The following ZNF283 variants were observed in gnomAD, a reference collection of about 807,000 sequenced individuals.
The protein encoded by ZNF283 is zinc finger protein 283.
A neutral mutation model predicts 9.2 loss-of-function variants in ZNF283; 10 were observed. The observed-to-expected ratio is 1.09, with a 90% confidence interval of 0.67 to 1.85. The LOEUF (loss-of-function observed/expected upper bound fraction) is 1.85, where lower values mean the gene tolerates loss of function less well. Ranked by LOEUF, ZNF283 falls within the 40% of genes most tolerant of loss-of-function variation. The probability of loss-of-function intolerance (pLI) is 0.00; values close to 1 mark genes in which losing one functional copy is unlikely to be tolerated. For synonymous variants in ZNF283, 234 were observed against 244.1 expected, an observed-to-expected ratio of 0.96 and a Z score of 0.38; for missense variants, 631 against 760.1, an observed-to-expected ratio of 0.83 and a Z score of 2.00.
intron 3 of ZNF283, among the ~76,000 whole-genome samples, chr19:43,831,754 G>A (rs915279229): frequency 6.6e-6 from 1 of 152,112 alleles, no homozygotes; most frequent in African/African-American, 2.4e-5. Context: ...TCAGAGGGAA[G>A]GTAGCTGGGA....
chr19:43,837,485 A>G, intron 6 of ZNF283: 1 of 396,600 alleles, frequency 2.5e-6, no homozygotes, highest in Middle Eastern at 6.4e-4. Context: ...ACCAGATTTC[A>G]TAAATTCTGC....
At chr19:43,846,585 C>G (rs1484953275) in intron 6 of ZNF283, among the ~76,000 whole-genome samples, 1 of 152,078 alleles carries the variant, frequency 6.6e-6, no homozygotes, top group Admixed American at 6.6e-5. Flanking sequence ...TCAGCCAAAG[C>G]TCATTATGAT....
intron 6 of ZNF283, chr19:43,840,864 CT>C (rs575563947): frequency 1.3e-3 from 154 of 118,618 alleles, no homozygotes; most frequent in East Asian, 1.7e-3. Flanking sequence ...TTTTTTTCTC[CT>C]TTTTTTTTTT....
chr19:43,832,173 T>A (rs554809920), intron 3 of ZNF283, among the ~76,000 whole-genome samples: 108 of 152,320 alleles, frequency 7.1e-4, no homozygotes, highest in Admixed American at 2.5e-3. Flanking sequence ...TTACAACTTC[T>A]GGGATTATAG....
chr19:43,848,981 G>GTA lies in ZNF283; in HGVS notation c.*340_*341insTA. On this transcript the variant is annotated 3_prime_UTR_variant, in exon 7 of 7. Transcript: ENST00000618787. ...TATTTGTTAAAAAGAGTTTAAATAG[G>GTA]AGGAATGTGGGAAGGACCTAAACTT... 6.4e-6 allele frequency: 1 copy of GTA among 156,464 alleles called. No individual in the cohort carries two copies. The highest frequency in any genetic ancestry group is 1.4e-5 in the Non-Finnish European group (1 of 70,954). The allele number at this position is 156,464 out of a possible 1,614,324, so 9.7% of individuals were successfully genotyped here.
At chr19:43,837,498 A>G in intron 6 of ZNF283, 1 of 389,480 alleles carries the variant, frequency 2.6e-6, no homozygotes, top group South Asian at 1.3e-4. Flanking sequence ...AATTCTGCAA[A>G]TATTATATTG....
intron 6 of ZNF283, chr19:43,837,448 C>T: frequency 2.5e-6 from 1 of 405,492 alleles, no homozygotes. Flanking sequence ...CATTATAGAA[C>T]ATTTATTTCA....
At chr19:43,846,694 G>A (rs984424043) in intron 6 of ZNF283, among the ~76,000 whole-genome samples, 14 of 152,262 alleles carry the variant, frequency 9.2e-5, no homozygotes, top group Admixed American at 4.6e-4. Flanking sequence ...GAACATCAGC[G>A]TGGGAAAATG....
chr19:43,851,831 A>G lies in ZNF283; in HGVS notation c.*3190A>G, dbSNP rs1013916634. The stretch of plus-strand genomic sequence containing the variant: ...GTTGAAATACTTATTCCCATGACCT[A>G]TTATCTTTGTAGGTGGGTGAAATTG... On this transcript the variant is annotated 3_prime_UTR_variant, in exon 7 of 7. Coordinates refer to ENST00000618787, the MANE Select transcript of ZNF283 (RefSeq NM_181845.2). 4 of 152,210 alleles carry G rather than the reference A, an allele frequency of 2.6e-5. No individual in the cohort carries two copies. The highest frequency in any genetic ancestry group is 9.6e-5 in the African/African-American group (4 of 41,452). The allele number at this position is 152,210 out of a possible 1,614,324, so 9.4% of individuals were successfully genotyped here.
chr19:43,842,545 G>T (rs931670156), intron 6 of ZNF283, among the ~76,000 whole-genome samples: 9 of 152,160 alleles, frequency 5.9e-5, no homozygotes, highest in African/African-American at 2.2e-4. Context: ...ATTTTTGAAG[G>T]CAGGTACAGT....
Position 43,851,814 on chromosome 19 carries a change from A to G in ZNF283, c.*3173A>G, listed in dbSNP as rs1196615545. ...GTATGGCAAACTTCACTGTTGAAAT[A>G]CTTATTCCCATGACCTATTATCTTT... On this transcript the variant is annotated 3_prime_UTR_variant, in exon 7 of 7. Transcript: ENST00000618787. 2 of 152,266 alleles carry G rather than the reference A, an allele frequency of 1.3e-5. No individual in the cohort carries two copies. Among genetic ancestry groups the G allele is most frequent in the Non-Finnish European group, 2.9e-5 (2 of 68,044 alleles). The allele number at this position is 152,266 out of a possible 1,614,324, so 9.4% of individuals were successfully genotyped here. A position where few individuals can be genotyped will look rare whatever the true frequency, so the allele number is the denominator to read the frequency against.
chr19:43,845,045 CAT>C (rs1971352634), intron 6 of ZNF283, among the ~76,000 whole-genome samples: 1 of 152,076 alleles, frequency 6.6e-6, no homozygotes, highest in African/African-American at 2.4e-5. Context: ...TATAGAAAGT[CAT>C]AACCTGTGGG....
At chr19:43,828,136 CTTTT>C (rs1007583009) in intron 1 of ZNF283, 62 bp from the exon 2 acceptor site, 3 of 152,048 alleles carry the variant, frequency 2.0e-5, no homozygotes, top group Non-Finnish European at 2.9e-5. Context: ...TCTTCTTTTT[CTTTT>C]TTAATTAAGT....
intron 5 of ZNF283, 77 bp downstream of exon 5, chr19:43,835,669 C>A: frequency 8.4e-7 from 1 of 1,195,012 alleles, no homozygotes; most frequent in Non-Finnish European, 1.2e-6. Context: ...TTTCCTTAGA[C>A]CTATAGAACT....
intron 6 of ZNF283, among the ~76,000 whole-genome samples, chr19:43,840,240 G>C (rs986483340): frequency 6.6e-6 from 1 of 152,198 alleles, no homozygotes; most frequent in African/African-American, 2.4e-5. Flanking sequence ...AGGAAAAAAA[G>C]GTCCATTAGC....
chr19:43,832,134 G>A (rs1970737656), intron 3 of ZNF283, among the ~76,000 whole-genome samples: 1 of 152,100 alleles, frequency 6.6e-6, no homozygotes, highest in Non-Finnish European at 1.5e-5. Flanking sequence ...AAGTACTAGT[G>A]ATTCCCTTAT....
chr19:43,833,247 G>A (rs1053488899), intron 3 of ZNF283, among the ~76,000 whole-genome samples: 1 of 151,864 alleles, frequency 6.6e-6, no homozygotes, highest in Admixed American at 6.6e-5. Flanking sequence ...AATAGAATAT[G>A]CCTCCCACAT....
intron 2 of ZNF283, among the ~76,000 whole-genome samples, chr19:43,828,716 T>C (rs961067924): frequency 2.0e-5 from 3 of 152,120 alleles, no homozygotes; most frequent in African/African-American, 4.8e-5. Flanking sequence ...AGTGCAGTAG[T>C]ATAGTCATAG....
Position 43,848,536 on chromosome 19 carries a change from G to A in ZNF283, c.1935G>A (p.Glu645=), listed in dbSNP as rs2883946. Residue 645 remains glutamate (E), a synonymous_variant, in exon 7 of 7, where the codon GAG becomes GAA. Coordinates refer to ENST00000618787, the MANE Select transcript of ZNF283 (RefSeq NM_181845.2). ...TFTCGSKLVH[E]RTHSNDKPYK... The stretch of plus-strand genomic sequence containing the variant: ...CTTGTGGCTCAAAACTTGTTCATGA[G>A]AGAACTCATAGTAATGATAAACCCT... 0.42 allele frequency: 667,693 copies of A among 1,608,124 alleles called. 142,350 individuals carry two copies. Among genetic ancestry groups the A allele is most frequent in the South Asian group, 0.56 (50,613 of 90,262 alleles).
Sources: gnomAD v4.1 joint callset for allele counts (sites outside exome capture counted in the v4.1 genomes callset) on GRCh38, gnomAD v4.1.1 for gene constraint, MANE v1.5 for transcripts, NCBI Gene and HGNC (gene_info 2026-07-23, HGNC 2026-07-21) for gene names.